The following ANKRD31 variants were observed in gnomAD, a reference collection of about 807,000 sequenced individuals.
ANKRD31 encodes ankyrin repeat domain-containing protein 31.
ANKRD31 carries 147 observed loss-of-function variants against 186.0 expected under a neutral mutation model. That is an observed-to-expected ratio of 0.79 (90% CI 0.69 to 0.91). ANKRD31 has a LOEUF of 0.91. Among genes scored for constraint, ANKRD31 ranks in the 40% least tolerant of loss-of-function variants. ANKRD31 has a pLI of 0.00. For missense variants in ANKRD31, 1,986 were observed against 2,148.8 expected (o/e 0.92, Z 1.50); for synonymous variants, 673 against 736.4 (o/e 0.91, Z 1.39).
chr5:75,091,127 A>G (rs77838597), intron 23 of ANKRD31, 134 bp downstream of exon 23: 34,779 of 948,344 alleles, frequency 0.037, 810 homozygotes, highest in Middle Eastern at 0.064. Flanking sequence ...TGCATACAGC[A>G]TATACAGAAT....
chr5:75,112,855 C>T (rs1177368098), intron 19 of ANKRD31, among the ~76,000 whole-genome samples: 3 of 152,104 alleles, frequency 2.0e-5, no homozygotes, highest in Non-Finnish European at 4.4e-5. Flanking sequence ...AAGTAGCAAT[C>T]ACAAGAAATC....
intron 17 of ANKRD31, among the ~76,000 whole-genome samples, chr5:75,119,788 T>C (rs1214537563): frequency 6.6e-6 from 1 of 152,220 alleles, no homozygotes; most frequent in African/African-American, 2.4e-5. Flanking sequence ...ATAGCCATTC[T>C]GACTGGTGCG....
At chr5:75,108,718 C>G (rs986695492) in intron 20 of ANKRD31, among the ~76,000 whole-genome samples, 5 of 151,944 alleles carry the variant, frequency 3.3e-5, no homozygotes, top group African/African-American at 1.2e-4. Flanking sequence ...TTTCTATTGC[C>G]CTAATACTGT....
intron 10 of ANKRD31, among the ~76,000 whole-genome samples, chr5:75,182,639 A>G (rs1230346244): frequency 2.0e-5 from 3 of 151,818 alleles, no homozygotes; most frequent in African/African-American, 7.3e-5. Flanking sequence ...GAATCTCTTG[A>G]ACCTGGGAGG....
chr5:75,194,622 C>T (rs985255151), intron 7 of ANKRD31, among the ~76,000 whole-genome samples: 1 of 151,988 alleles, frequency 6.6e-6, no homozygotes, highest in African/African-American at 2.4e-5. Flanking sequence ...ATCCAAATGA[C>T]CATCATTAGT....
chr5:75,091,181 CT>C, intron 23 of ANKRD31, 79 bp downstream of exon 23: 1 of 1,439,682 alleles, frequency 6.9e-7, no homozygotes, highest in Non-Finnish European at 9.2e-7. Context: ...TTCAGATTTC[CT>C]TAAAAAATAC....
At chr5:75,070,989 G>A (rs981702980) in intron 25 of ANKRD31, among the ~76,000 whole-genome samples, 3 of 152,112 alleles carry the variant, frequency 2.0e-5, no homozygotes, top group Non-Finnish European at 2.9e-5. Context: ...GAGCTAATTA[G>A]GTCAGGAATT....
chr5:75,236,716 C>T lies in ANKRD31; in HGVS notation c.-30G>A. ...GCCTCACATTCAAAGTCTTTTTTAC[C>T]CTCCTCTAACTCCCTCTTGCCCGCA... On this transcript the variant is annotated 5_prime_UTR_variant, in exon 1 of 26. Transcript: ENST00000506364. The T allele has an allele frequency of 6.6e-7, 1 of 1,507,534 alleles. No individual in the cohort carries two copies. Among genetic ancestry groups the T allele is most frequent in the Non-Finnish European group, 8.9e-7 (1 of 1,121,948 alleles). The allele number at this position is 1,507,534 out of a possible 1,614,324, so 93.4% of individuals were successfully genotyped here.
intron 21 of ANKRD31, among the ~76,000 whole-genome samples, chr5:75,106,649 A>ATAG (rs559239584): frequency 2.9e-4 from 44 of 152,102 alleles, no homozygotes; most frequent in African/African-American, 8.2e-4. Context: ...AATTCCAGGT[A>ATAG]TAGTACATGG....
chr5:75,170,984 A>T (rs1449831389), intron 10 of ANKRD31, among the ~76,000 whole-genome samples: 1 of 152,068 alleles, frequency 6.6e-6, no homozygotes, highest in Non-Finnish European at 1.5e-5. Context: ...TAAGGAGCAA[A>T]AACTGCCAGA....
intron 22 of ANKRD31, among the ~76,000 whole-genome samples, chr5:75,103,010 C>A (rs1747033438): frequency 6.6e-6 from 1 of 152,210 alleles, no homozygotes; most frequent in African/African-American, 2.4e-5. Flanking sequence ...CTGAGTCGCT[C>A]ACTCTGGGAG....
intron 11 of ANKRD31, among the ~76,000 whole-genome samples, chr5:75,165,649 T>G (rs556557275): frequency 1.3e-4 from 20 of 152,284 alleles, no homozygotes; most frequent in African/African-American, 4.8e-4. Context: ...AAGTAGATTT[T>G]CCATCAAAAC....
chr5:75,080,011 T>C (rs746008236), intron 25 of ANKRD31, among the ~76,000 whole-genome samples: 1 of 151,856 alleles, frequency 6.6e-6, no homozygotes, highest in Admixed American at 6.6e-5. Flanking sequence ...GGCAGGAGGA[T>C]CACTTGAGCC....
At position 75,146,863 on chromosome 5, in the gene ANKRD31, C is replaced by T. The variant is rs865819231; in HGVS notation, c.2548G>A (p.Val850Ile). ...LLLHKEIKLP[V>I]VTTDKQPHTL... ...TGAGGCTGCTTATCTGTAGTAACAA[C>T]TGGTAACTTGATTTCTTTATGTAAT... is the stretch of plus-strand genomic sequence containing the variant. The change falls in exon 14 of 26, where the codon GTT becomes ATT. Residue 850 changes from valine (V) to isoleucine (I), a missense_variant. Transcript: ENST00000506364. 5 of 1,536,368 alleles carry T rather than the reference C, an allele frequency of 3.3e-6. No homozygotes were observed. The African/African-American group carries it at 6.8e-5, about 21-fold the overall frequency.
intron 25 of ANKRD31, among the ~76,000 whole-genome samples, chr5:75,073,321 C>T (rs114181280): frequency 0.026 from 3,947 of 151,420 alleles, 155 homozygotes; most frequent in African/African-American, 0.09. Flanking sequence ...AAGTCACAGG[C>T]CTAAATAAAA....
intron 10 of ANKRD31, among the ~76,000 whole-genome samples, chr5:75,170,629 AATAG>A (rs1164512248): frequency 6.6e-6 from 1 of 152,090 alleles, no homozygotes; most frequent in African/African-American, 2.4e-5. Context: ...CATAGTACCC[AATAG>A]ATAGTTTTTC....
rs1002684357 is a variant in ANKRD31 at position 75,104,449 on chromosome 5, T to C, written c.5110A>G (p.Thr1704Ala). The C allele has an allele frequency of 4.7e-5, 73 of 1,537,150 alleles. No individual in the cohort carries two copies. The highest frequency in any genetic ancestry group is 6.1e-5 in the Non-Finnish European group (70 of 1,146,920). The change falls in exon 22 of 26, where the codon ACA becomes GCA. Residue 1704 changes from threonine (T) to alanine (A), a missense_variant. By Grantham distance (58) the Thr-to-Ala change is moderately conservative (BLOSUM62 0). Coordinates refer to ENST00000506364, the MANE Select transcript of ANKRD31 (RefSeq NM_001372053.1). ...HQGIAVLGSD[T>A]VHQMKPYLKK... The stretch of plus-strand genomic sequence containing the variant: ...AGATATGGTTTCATCTGATGCACTG[T>C]ATCACTGCCTAAGACAGCAATCCCT...
At chr5:75,169,665 C>G (rs375797826) in intron 10 of ANKRD31, among the ~76,000 whole-genome samples, 2 of 152,086 alleles carry the variant, frequency 1.3e-5, no homozygotes, top group South Asian at 4.2e-4. Context: ...TGGCCAAGGA[C>G]AATGGTATAA....
At chr5:75,222,174 A>T in intron 3 of ANKRD31, 75 bp downstream of exon 3, 1 of 1,033,768 alleles carries the variant, frequency 9.7e-7, no homozygotes, top group Non-Finnish European at 1.3e-6. Flanking sequence ...AAGAATTATC[A>T]TTAGTAATTT....
Sources: gnomAD v4.1 joint callset for allele counts (sites outside exome capture counted in the v4.1 genomes callset) on GRCh38, gnomAD v4.1.1 for gene constraint, MANE v1.5 for transcripts, NCBI Gene and HGNC (gene_info 2026-07-23, HGNC 2026-07-21) for gene names.